The following HIP1 variants were observed in gnomAD, a reference collection of about 807,000 sequenced individuals.
HIP1 encodes the protein huntingtin-interacting protein 1.
HIP1 carries 65 observed loss-of-function variants against 147.6 expected under a neutral mutation model. That is an observed-to-expected ratio of 0.44 (90% confidence interval 0.36 to 0.54). HIP1 has a LOEUF of 0.54. Ranked by LOEUF, HIP1 falls within the 20% of genes least tolerant of loss-of-function variation. HIP1 has a pLI of 0.00. For missense variants in HIP1, 1,061 were observed against 1,299.6 expected (o/e 0.82, Z 2.82); for synonymous variants, 479 against 504.0 (o/e 0.95, Z 0.67).
At chr7:75,644,614 T>C (rs1392197181) in intron 1 of HIP1, among the ~76,000 whole-genome samples, 1 of 152,024 alleles carries the variant, frequency 6.6e-6, no homozygotes, top group East Asian at 1.9e-4. Context: ...TTTTAAAAGA[T>C]TAAACGTAAG....
chr7:75,665,476 G>A (rs1258834170), intron 1 of HIP1, among the ~76,000 whole-genome samples: 2 of 152,050 alleles, frequency 1.3e-5, no homozygotes, highest in African/African-American at 4.8e-5. Flanking sequence ...GGGATGTGGA[G>A]GCCATCCTGT....
intron 1 of HIP1, among the ~76,000 whole-genome samples, chr7:75,685,181 G>A (rs1275664964): frequency 3.3e-5 from 5 of 152,168 alleles, no homozygotes; most frequent in African/African-American, 1.2e-4. Flanking sequence ...GGGAGGCTGA[G>A]GTGGGAGGAT....
chr7:75,616,085 CAAAAAAAAA>C (rs71098042), intron 1 of HIP1, among the ~76,000 whole-genome samples: 1 of 35,322 alleles, frequency 2.8e-5, no homozygotes, highest in African/African-American at 1.2e-4. Flanking sequence ...GACTCTGTCT[CAAAAAAAAA>C]AAAAAAAAAA....
At chr7:75,682,101 C>T (rs150565701) in intron 1 of HIP1, among the ~76,000 whole-genome samples, 178 of 135,418 alleles carry the variant, frequency 1.3e-3, no homozygotes, top group African/African-American at 4.7e-3. Flanking sequence ...CCTGGGATTA[C>T]GGGCACACCA....
intron 1 of HIP1, among the ~76,000 whole-genome samples, chr7:75,620,671 G>A (rs1410035877): frequency 1.3e-5 from 2 of 152,118 alleles, no homozygotes; most frequent in Non-Finnish European, 2.9e-5. Context: ...GGGTGAAAGA[G>A]TGAGGCTCTG....
At chr7:75,542,463 C>G (rs1794363273) in intron 28 of HIP1, among the ~76,000 whole-genome samples, 1 of 151,430 alleles carries the variant, frequency 6.6e-6, no homozygotes, top group South Asian at 2.1e-4. Context: ...CTTTGGGAGG[C>G]CAAGGTGGGC....
intron 1 of HIP1, chr7:75,639,364 C>T (rs1176440711): frequency 6.8e-6 from 1 of 148,076 alleles, no homozygotes. Flanking sequence ...CCCGAGCCCC[C>T]GGGGACCGGG....
At chr7:75,645,454 T>C (rs1481158799) in intron 1 of HIP1, among the ~76,000 whole-genome samples, 1 of 152,164 alleles carries the variant, frequency 6.6e-6, no homozygotes, top group Non-Finnish European at 1.5e-5. Context: ...CTCAAACTCC[T>C]GACCTCAGGT....
At chr7:75,716,521 C>CT (rs782680080) in intron 1 of HIP1, among the ~76,000 whole-genome samples, 11,041 of 130,594 alleles carry the variant, frequency 0.085, 792 homozygotes, top group African/African-American at 0.18. Flanking sequence ...CGTGCCTGGA[C>CT]TTTTTTTTTT....
At chr7:75,657,554 T>G (rs1292885423) in intron 1 of HIP1, among the ~76,000 whole-genome samples, 1 of 150,716 alleles carries the variant, frequency 6.6e-6, no homozygotes, top group Non-Finnish European at 1.5e-5. Flanking sequence ...GCAATTAAAT[T>G]TAAAAAAAAG....
intron 1 of HIP1, among the ~76,000 whole-genome samples, chr7:75,709,800 G>C (rs564495017): frequency 7.9e-5 from 12 of 152,296 alleles, no homozygotes; most frequent in African/African-American, 2.4e-4. Flanking sequence ...ACCATTGAAT[G>C]TGACGTCTGC....
chr7:75,563,104 T>G, intron 10 of HIP1, 29 bp from the exon 11 acceptor site: 1 of 1,614,038 alleles, frequency 6.2e-7, no homozygotes, highest in Non-Finnish European at 8.5e-7. Context: ...CCTCAAATAG[T>G]GCTTGCTTGC....
chr7:75,671,875 C>T (rs554447522), intron 1 of HIP1, among the ~76,000 whole-genome samples: 3 of 152,280 alleles, frequency 2.0e-5, no homozygotes, highest in African/African-American at 7.2e-5. Flanking sequence ...GCTGGGATTA[C>T]AGCTACGCGT....
chr7:75,694,482 T>C (rs1300365108), intron 1 of HIP1, among the ~76,000 whole-genome samples: 2 of 150,132 alleles, frequency 1.3e-5, no homozygotes, highest in Admixed American at 1.4e-4. Flanking sequence ...TTCTTTCTTT[T>C]TTTCTTTTTC....
At chr7:75,694,807 GC>G (rs1800583071) in intron 1 of HIP1, among the ~76,000 whole-genome samples, 1 of 151,848 alleles carries the variant, frequency 6.6e-6, no homozygotes, top group East Asian at 1.9e-4. Flanking sequence ...ACCATGCCCG[GC>G]CTGGATTGCT....
At chr7:75,664,050 G>T (rs372401306) in intron 1 of HIP1, among the ~76,000 whole-genome samples, 5 of 16,520 alleles carry the variant, frequency 3.0e-4, no homozygotes, top group African/African-American at 1.0e-3. Context: ...ACATATATGT[G>T]TATATACACA....
chr7:75,541,725 C>A (rs1439165927), intron 29 of HIP1, among the ~76,000 whole-genome samples, 194 bp downstream of exon 29: 4 of 146,828 alleles, frequency 2.7e-5, no homozygotes, highest in African/African-American at 5.0e-5. Flanking sequence ...ACAAGACAAA[C>A]AAAAAAAAAA....
At chr7:75,697,982 T>G (rs1304412837) in intron 1 of HIP1, among the ~76,000 whole-genome samples, 7 of 152,132 alleles carry the variant, frequency 4.6e-5, no homozygotes, top group African/African-American at 1.4e-4. Flanking sequence ...TAGTAAAGTT[T>G]TATAATTTAA....
Position 75,599,382 on chromosome 7 carries a change from T to A in HIP1, c.121-135A>T, listed in dbSNP as rs587603292. The stretch of plus-strand genomic sequence containing the variant: ...CCCAGCCCCACGGGTGGTCGGTTCC[T>A]CTGCAGGCGCCCAGCTGGGGGCAGA... On this transcript the variant is annotated intron_variant, in intron 1 of 30. Transcript: ENST00000336926. 5.1e-5 allele frequency: 35 copies of A among 681,798 alleles called. No individual in the cohort carries two copies. In the South Asian group the frequency reaches 5.3e-4, roughly 10 times the overall value. The allele number at this position is 681,798 out of a possible 1,614,324, so 42.2% of individuals were successfully genotyped here.
Sources: allele counts gnomAD v4.1 joint callset (sites outside exome capture counted in the v4.1 genomes callset), GRCh38; gene constraint gnomAD v4.1.1; transcripts MANE v1.5; gene names NCBI Gene and HGNC (gene_info 2026-07-23, HGNC 2026-07-21).